The following PRUNE1 variants were observed in gnomAD, a reference collection of about 807,000 sequenced individuals.
PRUNE1 encodes prune exopolyphosphatase 1.
In PRUNE1, 25 loss-of-function variants were observed where a neutral mutation model predicts 42.5. The observed-to-expected ratio is 0.59, with a 90% CI of 0.43 to 0.82. The LOEUF is 0.82. Ranked by LOEUF, PRUNE1 falls within the 40% of genes least tolerant of loss-of-function variation. The pLI is 0.00. For synonymous variants in PRUNE1, 203 were observed against 217.1 expected (o/e 0.93, Z 0.57); for missense variants, 443 against 539.3 (o/e 0.82, Z 1.77).
chr1:151,034,289 T>A lies in PRUNE1; in HGVS notation c.*55T>A. ...GGCTACCTGACTCACTTCAAATGCA[T>A]GTTTTGAGATGTTTGGAGATTCAGC... On this transcript the variant is annotated 3_prime_UTR_variant, in exon 8 of 8. Coordinates refer to ENST00000271620, the MANE Select transcript of PRUNE1 (RefSeq NM_021222.3). The A allele has an allele frequency of 6.6e-7, 1 of 1,510,576 alleles. No homozygotes were observed. Among genetic ancestry groups the A allele is most frequent in the South Asian group, 1.2e-5 (1 of 83,468 alleles). 93.6% of individuals were successfully genotyped at this position (1,510,576 alleles called of 1,614,324 possible). A position where few individuals can be genotyped will look rare whatever the true frequency, so the allele number is the denominator to read the frequency against.
Position 151,023,909 on chromosome 1 carries a change from G to A in PRUNE1, c.336-702G>A, listed in dbSNP as rs587764424. Among the ~76,000 whole-genome samples, 5 of 152,028 alleles carry A rather than the reference G, an allele frequency of 3.3e-5. No homozygotes were observed. The East Asian group carries it at 5.8e-4, about 18-fold the overall frequency. ...ACATTAAAGAAAAGAATTGCTGGGCGCGGTGGCTCACGCCTGTAATCCCAG... is the reference window on the plus strand; with the variant it reads ...ACATTAAAGAAAAGAATTGCTGGGCACGGTGGCTCACGCCTGTAATCCCAG... On this transcript the variant is annotated intron_variant, in intron 3 of 7. Coordinates refer to ENST00000271620, the MANE Select transcript of PRUNE1 (RefSeq NM_021222.3).
intron 1 of PRUNE1, among the ~76,000 whole-genome samples, chr1:151,009,467 G>C (rs1368202920): frequency 6.6e-6 from 1 of 152,132 alleles, no homozygotes; most frequent in Non-Finnish European, 1.5e-5. Context: ...CAGCCATGCT[G>C]AGCCGTCATG....
chr1:151,017,412 T>C (rs1674172853), intron 1 of PRUNE1, among the ~76,000 whole-genome samples: 1 of 152,152 alleles, frequency 6.6e-6, no homozygotes, highest in African/African-American at 2.4e-5. Flanking sequence ...CTACCTCCTC[T>C]GTGAAGATCA....
At chr1:151,013,864 C>G (rs1673931424) in intron 1 of PRUNE1, among the ~76,000 whole-genome samples, 1 of 152,194 alleles carries the variant, frequency 6.6e-6, no homozygotes, top group Non-Finnish European at 1.5e-5. Flanking sequence ...GGAGGAATTA[C>G]AAGTCAGAGG....
chr1:151,029,014 A>G, intron 7 of PRUNE1, 70 bp downstream of exon 7: 3 of 1,481,540 alleles, frequency 2.0e-6, no homozygotes, highest in Non-Finnish European at 2.8e-6. Context: ...TGTGCTCTAC[A>G]GCTGTCCTAT....
intron 2 of PRUNE1, 65 bp downstream of exon 2, chr1:151,017,969 C>T: frequency 9.0e-7 from 1 of 1,106,788 alleles, no homozygotes; most frequent in Non-Finnish European, 1.4e-6. Context: ...GGATTCAAGA[C>T]CCAGCTCTAC....
chr1:151,018,992 G>A (rs1394662004), intron 3 of PRUNE1, among the ~76,000 whole-genome samples: 15 of 152,238 alleles, frequency 9.9e-5, no homozygotes, highest in African/African-American at 2.6e-4. Context: ...GCAGTGAGCC[G>A]AGATCGTGCC....
chr1:151,015,407 G>A (rs189116163), intron 1 of PRUNE1, among the ~76,000 whole-genome samples: 95 of 150,624 alleles, frequency 6.3e-4, no homozygotes, highest in African/African-American at 2.1e-3. Context: ...AGTCTGAGGC[G>A]GGCGGATCAC....
chr1:151,020,550 C>T (rs587729117), intron 3 of PRUNE1, among the ~76,000 whole-genome samples: 59 of 152,034 alleles, frequency 3.9e-4, no homozygotes, highest in African/African-American at 1.3e-3. Context: ...GTTGCTTGAG[C>T]CCAGGAGTTC....
intron 3 of PRUNE1, among the ~76,000 whole-genome samples, chr1:151,021,631 ATTGTGGT>A (rs1674446887): frequency 1.3e-5 from 2 of 152,028 alleles, no homozygotes; most frequent in Admixed American, 1.3e-4. Context: ...TCTTGAGCAC[ATTGTGGT>A]TATAGCAGGA....
intron 7 of PRUNE1, among the ~76,000 whole-genome samples, chr1:151,031,366 T>C (rs1675239695): frequency 6.6e-6 from 1 of 151,960 alleles, no homozygotes; most frequent in South Asian, 2.1e-4. Flanking sequence ...TTTGTATTTT[T>C]TGTAGGGACA....
At chr1:151,028,261 C>G (rs1413907223) in intron 6 of PRUNE1, among the ~76,000 whole-genome samples, 1 of 152,004 alleles carries the variant, frequency 6.6e-6, no homozygotes, top group Non-Finnish European at 1.5e-5. Context: ...TTGTTTTGAG[C>G]CTGAGTCTTA....
In PRUNE1 at chr1:151,009,009, C is replaced by T. The variant is rs137857401; in HGVS notation, c.39+338C>T. On this transcript the variant is annotated intron_variant, in intron 1 of 7. Transcript: ENST00000271620. ...ATCAAAAAAACCAGGACTGTGCCGC[C>T]GCCAGCCTAGCCCCGCGAGGTGTGT... 1.1e-3 allele frequency among the ~76,000 whole-genome samples: 169 copies of T among 152,178 alleles called. 5 individuals carry two copies. In the East Asian group the frequency reaches 0.028, roughly 25 times the overall value.
chr1:151,027,422 A>G (rs1175737403), intron 6 of PRUNE1, 95 bp downstream of exon 6: 1 of 833,802 alleles, frequency 1.2e-6, no homozygotes, highest in African/African-American at 1.7e-5. Context: ...CTCACCTCCA[A>G]AATGTATCTT....
At chr1:151,022,480 G>A (rs1195333489) in intron 3 of PRUNE1, among the ~76,000 whole-genome samples, 1 of 147,056 alleles carries the variant, frequency 6.8e-6, no homozygotes, top group African/African-American at 2.5e-5. Context: ...GTGCACTGGC[G>A]CGATCTCGGC....
rs1675466382 is a variant in PRUNE1 at position 151,034,939 on chromosome 1, T to G, written c.*705T>G. 1 of 152,344 alleles carries G rather than the reference T, an allele frequency of 6.6e-6. No homozygotes were observed. Among genetic ancestry groups the G allele is most frequent in the Non-Finnish European group, 1.5e-5 (1 of 68,160 alleles). The allele number at this position is 152,344 out of a possible 1,614,324, so 9.4% of individuals were successfully genotyped here. A position where few individuals can be genotyped will look rare whatever the true frequency, so the allele number is the denominator to read the frequency against. On this transcript the variant is annotated 3_prime_UTR_variant, in exon 8 of 8. Transcript: ENST00000271620. ...TCCCAGAGCCACCCAGAACCCTGAC[T>G]CTTGAGAATCAAGAAAACACCCAGA...
chr1:151,017,193 G>A (rs757640887), intron 1 of PRUNE1, among the ~76,000 whole-genome samples: 31 of 151,806 alleles, frequency 2.0e-4, no homozygotes, highest in African/African-American at 3.1e-4. Context: ...TGCCTTGAAT[G>A]TATCAGCTAC....
rs1057029990 is a variant in PRUNE1 at position 151,034,599 on chromosome 1, A to G, written c.*365A>G. On this transcript the variant is annotated 3_prime_UTR_variant, in exon 8 of 8. Coordinates refer to ENST00000271620, the MANE Select transcript of PRUNE1 (RefSeq NM_021222.3). ...GAACAGAACCAGTATCTGTCATGGAACTGAACATTCATCGATGGTCTCCAT... is the reference window on the plus strand; with the variant it reads ...GAACAGAACCAGTATCTGTCATGGAGCTGAACATTCATCGATGGTCTCCAT... 4.7e-6 allele frequency: 1 copy of G among 212,810 alleles called. No individual in the cohort carries two copies. Among genetic ancestry groups the G allele is most frequent in the Non-Finnish European group, 9.6e-6 (1 of 103,844 alleles). The allele number at this position is 212,810 out of a possible 1,614,324, so 13.2% of individuals were successfully genotyped here.
chr1:151,016,471 G>T (rs1469183042), intron 1 of PRUNE1, among the ~76,000 whole-genome samples: 1 of 152,002 alleles, frequency 6.6e-6, no homozygotes, highest in Non-Finnish European at 1.5e-5. Context: ...CTGTCACCCC[G>T]ATTTTGGGCA....
Sources: allele counts gnomAD v4.1 joint callset (sites outside exome capture counted in the v4.1 genomes callset), GRCh38; gene constraint gnomAD v4.1.1; transcripts MANE v1.5; gene names NCBI Gene and HGNC (gene_info 2026-07-23, HGNC 2026-07-21).